PRDM16: variants seen among roughly 807,000 people sequenced by gnomAD.
PRDM16 encodes the protein PR/SET domain 16, also known as histone-lysine N-methyltransferase PRDM16.
A neutral mutation model predicts 110.6 loss-of-function variants in PRDM16; 23 were observed. That is an observed-to-expected ratio of 0.21 (90% CI 0.15 to 0.29). The LOEUF (loss-of-function observed/expected upper bound fraction) is 0.29, where lower values mean the gene tolerates loss of function less well. PRDM16 is among the 10% of genes least tolerant of loss of function. The pLI, the probability that PRDM16 is intolerant of heterozygous loss-of-function variation, is 1.00. For missense variants in PRDM16, 1,615 were observed against 1,794.3 expected (o/e 0.90, Z 1.81); for synonymous variants, 799 against 781.8 (o/e 1.02, Z -0.37).
At chr1:3,180,959 C>T (rs950427481) in intron 1 of PRDM16, among the ~76,000 whole-genome samples, 9 of 142,532 alleles carry the variant, frequency 6.3e-5, no homozygotes, top group South Asian at 2.6e-4. Flanking sequence ...CACACGCAGT[C>T]TTACACACTC....
In PRDM16 at chr1:3,201,144, G is replaced by A. The variant is rs929412587; in HGVS notation, c.387+14670G>A. Among the ~76,000 whole-genome samples, 19 of 152,150 alleles carry A rather than the reference G, an allele frequency of 1.2e-4. No homozygotes were observed. The highest frequency in any genetic ancestry group is 4.1e-4 in the South Asian group (2 of 4,828). Reference sequence around the variant, plus strand: ...CCTGAGTTTTGGGAGCATAGACCACGCTGCCTTCTTTTGAGGAGGACAGGG... The same window carrying A: ...CCTGAGTTTTGGGAGCATAGACCACACTGCCTTCTTTTGAGGAGGACAGGG... On this transcript the variant is annotated intron_variant, in intron 2 of 16. Coordinates refer to ENST00000270722, the MANE Select transcript of PRDM16 (RefSeq NM_022114.4). This position sits in a 1 kb window ranked among gnomAD's most constrained non-coding sequence, Gnocchi z 4.1.
intron 1 of PRDM16, among the ~76,000 whole-genome samples, chr1:3,130,742 T>A (rs774938834): frequency 1.3e-5 from 2 of 151,856 alleles, no homozygotes; most frequent in Non-Finnish European, 2.9e-5. Flanking sequence ...ACTGTCGCCC[T>A]TTTCCCCCGT....
rs570279376 is a variant in PRDM16, at chr1:3,074,384, G to A, written c.37+5088G>A. ...TCCCCTCCCCCACAGAGCACCACAGGCTGCCGTTAATTCCATAGGGTTTTT... is the reference window on the plus strand; with the variant it reads ...TCCCCTCCCCCACAGAGCACCACAGACTGCCGTTAATTCCATAGGGTTTTT... On this transcript the variant is annotated intron_variant, in intron 1 of 16. Coordinates refer to ENST00000270722, the MANE Select transcript of PRDM16 (RefSeq NM_022114.4). 8.5e-5 allele frequency among the ~76,000 whole-genome samples: 13 copies of A among 152,218 alleles called. No homozygotes were observed. The South Asian group carries it at 2.7e-3, about 32-fold the overall frequency.
chr1:3,182,686 C>T (rs1411598597), intron 1 of PRDM16, among the ~76,000 whole-genome samples: 4 of 152,142 alleles, frequency 2.6e-5, no homozygotes, highest in African/African-American at 9.7e-5. Context: ...TGTCCCAGCC[C>T]GGGGCAGCAG....
intron 1 of PRDM16, among the ~76,000 whole-genome samples, chr1:3,177,702 C>A (rs973370968): frequency 6.6e-6 from 1 of 152,228 alleles, no homozygotes; most frequent in South Asian, 2.1e-4. Context: ...ATTCTAGAAT[C>A]GAACAGCTGT....
intron 2 of PRDM16, among the ~76,000 whole-genome samples, chr1:3,238,494 A>G (rs1251175399): frequency 6.6e-6 from 1 of 152,224 alleles, no homozygotes; most frequent in Non-Finnish European, 1.5e-5. Context: ...TAGCTCAAAC[A>G]CGGCCAAGCT....
At position 3,292,304 on chromosome 1, in the gene PRDM16, G is replaced by A. The variant is rs148792626; in HGVS notation, c.438+48167G>A. ...CAGAGCAGAGCCGAGGTGATAACGC[G>A]GGCACGGCAGGCCCGGGCTTTCCAA... On this transcript the variant is annotated intron_variant, in intron 3 of 16. Coordinates refer to ENST00000270722, the MANE Select transcript of PRDM16 (RefSeq NM_022114.4). Among the ~76,000 whole-genome samples, 747 of 152,300 alleles carry A rather than the reference G, an allele frequency of 4.9e-3. 9 individuals are homozygous for A. Among genetic ancestry groups the A allele is most frequent in the African/African-American group, 0.017 (714 of 41,568 alleles).
chr1:3,433,314 G>A (rs931896956), intron 16 of PRDM16, among the ~76,000 whole-genome samples: 2 of 152,252 alleles, frequency 1.3e-5, no homozygotes, highest in Non-Finnish European at 2.9e-5. Flanking sequence ...GAGAATCCGG[G>A]TCTTAGTCCC....
In PRDM16 at chr1:3,069,324, CGCCGCCGGGGCCCGGGCCGCCGGGCCGGG is replaced by C. The variant is rs766435174; in HGVS notation, c.37+31_37+59del. The C allele has an allele frequency of 1.6e-6, 2 of 1,231,240 alleles. No homozygotes were observed. The highest frequency in any genetic ancestry group is 2.1e-6 in the Non-Finnish European group (2 of 959,086). 76.3% of individuals were successfully genotyped at this position (1,231,240 alleles called of 1,614,324 possible). On this transcript the variant is annotated intron_variant, in intron 1 of 16. Coordinates refer to ENST00000270722, the MANE Select transcript of PRDM16 (RefSeq NM_022114.4). The surrounding 1 kb of genome is among the most constrained non-coding windows in gnomAD (Gnocchi z 6.1). ...AAGTCTCCCGCGCTCGGCCGCGCCG[CGCCGCCGGGGCCCGGGCCGCCGGGCCGGG>C]GCGCCCGGGCCAGGGGTGCGCGTCG...
chr1:3,364,470 C>G (rs548106537), intron 3 of PRDM16, among the ~76,000 whole-genome samples: 203 of 152,320 alleles, frequency 1.3e-3, no homozygotes, highest in Non-Finnish European at 2.3e-3. Flanking sequence ...GGGGCACTTT[C>G]TGGACAAGCC....
chr1:3,093,552 C>T (rs890710558), intron 1 of PRDM16, among the ~76,000 whole-genome samples: 2 of 152,266 alleles, frequency 1.3e-5, no homozygotes, highest in South Asian at 2.1e-4. Flanking sequence ...CTGGGACCCC[C>T]GGCATCTCCA....
intron 2 of PRDM16, among the ~76,000 whole-genome samples, chr1:3,195,499 G>A (rs896798887): frequency 2.0e-5 from 3 of 152,146 alleles, no homozygotes; most frequent in African/African-American, 7.2e-5. Context: ...AGCGAAAAAG[G>A]AAATAAATAT....
chr1:3,129,288 G>C (rs1364133990), intron 1 of PRDM16, among the ~76,000 whole-genome samples: 4 of 150,602 alleles, frequency 2.7e-5, no homozygotes, highest in Admixed American at 2.6e-4. Flanking sequence ...GTCCTGCCTG[G>C]TGTGTGCGTG....
intron 1 of PRDM16, among the ~76,000 whole-genome samples, chr1:3,180,944 C>T (rs893353209): frequency 1.3e-4 from 19 of 140,926 alleles, no homozygotes; most frequent in South Asian, 4.7e-4. Context: ...ACACACGCAG[C>T]CTTACACACG....
Position 3,339,946 on chromosome 1 carries a change from A to G in PRDM16, c.439-45206A>G, listed in dbSNP as rs891540095. 1.3e-5 allele frequency among the ~76,000 whole-genome samples: 2 copies of G among 152,056 alleles called. No homozygotes were observed. Among genetic ancestry groups the G allele is most frequent in the African/African-American group, 4.8e-5 (2 of 41,404 alleles). ...CCACCAGGCAAGTGGGGCTGGGGGG[A>G]ACAGGTGTGCCATCCCCCGAGCGTG... On this transcript the variant is annotated intron_variant, in intron 3 of 16. Transcript: ENST00000270722. The surrounding 1 kb of genome is among the most constrained non-coding windows in gnomAD (Gnocchi z 5.0).
Position 3,216,524 on chromosome 1 carries a change from T to G in PRDM16, c.388-27563T>G, listed in dbSNP as rs112064366. ...GTCTGGTGGGTTGGTGGGTTTCAGA[T>G]GCCCCCGGTGGCTGTCCCCCGCCGA... On this transcript the variant is annotated intron_variant, in intron 2 of 16. Coordinates refer to ENST00000270722, the MANE Select transcript of PRDM16 (RefSeq NM_022114.4). Among the ~76,000 whole-genome samples, 785 of 152,300 alleles carry G rather than the reference T, an allele frequency of 5.2e-3. 1 individual carries two copies. The highest frequency in any genetic ancestry group is 0.01 in the Middle Eastern group (3 of 294).
In PRDM16 at chr1:3,243,991, T is replaced by C. The variant is rs1016786105; in HGVS notation, c.388-96T>C. 4.7e-6 allele frequency: 6 copies of C among 1,273,008 alleles called. No homozygotes were observed. In the African/African-American group the frequency reaches 7.3e-5, roughly 16 times the overall value. The allele number at this position is 1,273,008 out of a possible 1,614,324, so 78.9% of individuals were successfully genotyped here. ...GCCACTGGGTCCCACCCTGTGACTT[T>C]TGGGGACAGTGGTTCTGCCCCCACC... On this transcript the variant is annotated intron_variant, in intron 2 of 16. Transcript: ENST00000270722. The surrounding 1 kb of genome is among the most constrained non-coding windows in gnomAD (Gnocchi z 5.5).
At chr1:3,126,477 C>T (rs1643211293) in intron 1 of PRDM16, among the ~76,000 whole-genome samples, 1 of 152,222 alleles carries the variant, frequency 6.6e-6, no homozygotes, top group African/African-American at 2.4e-5. Flanking sequence ...AGACAGCCCT[C>T]AACGAGGGAC....
chr1:3,274,407 T>C (rs770715250), intron 3 of PRDM16, among the ~76,000 whole-genome samples: 10 of 152,294 alleles, frequency 6.6e-5, no homozygotes, highest in Non-Finnish European at 1.3e-4. Flanking sequence ...TAATGAAAGG[T>C]CTCTGCTTGA....
Sources: gnomAD v4.1 joint callset for allele counts (sites outside exome capture counted in the v4.1 genomes callset) on GRCh38, gnomAD v4.1.1 for gene constraint, Gnocchi (gnomAD v3.1) non-coding constraint, MANE v1.5 for transcripts, NCBI Gene and HGNC (gene_info 2026-07-23, HGNC 2026-07-21) for gene names.